The following RAP1GAP2 variants were observed in gnomAD, a reference collection of about 807,000 sequenced individuals.
RAP1GAP2 encodes rap1 GTPase-activating protein 2.
Under a neutral mutation model 95.0 loss-of-function variants are expected in RAP1GAP2, and 27 were observed. The observed-to-expected ratio is 0.28, with a 90% CI of 0.21 to 0.39. The LOEUF is 0.39. Among genes scored for constraint, RAP1GAP2 ranks in the 10% least tolerant of loss-of-function variants. RAP1GAP2 has a pLI of 1.00. For missense variants in RAP1GAP2, 771 were observed against 970.0 expected (o/e 0.79, Z 2.72); for synonymous variants, 373 against 380.9 (o/e 0.98, Z 0.24).
intron 1 of RAP1GAP2, among the ~76,000 whole-genome samples, chr17:2,787,432 T>G (rs533266942): frequency 6.6e-6 from 1 of 151,994 alleles, no homozygotes; most frequent in Non-Finnish European, 1.5e-5. Context: ...TTTAAAAAAA[T>G]TTTTGTACAG....
chr17:3,006,182 A>G, intron 16 of RAP1GAP2, 141 bp downstream of exon 16: 2 of 706,016 alleles, frequency 2.8e-6, no homozygotes. Flanking sequence ...GCTGGAGTGC[A>G]GTGGCATGAT....
intron 3 of RAP1GAP2, among the ~76,000 whole-genome samples, chr17:2,917,069 G>C (rs1451998202): frequency 3.9e-5 from 6 of 152,224 alleles, no homozygotes; most frequent in African/African-American, 1.2e-4. Flanking sequence ...CCTCTCTGTT[G>C]ATTCTCCAGC....
chr17:2,995,986 T>G (rs2045944426), intron 13 of RAP1GAP2, among the ~76,000 whole-genome samples: 1 of 152,124 alleles, frequency 6.6e-6, no homozygotes. Flanking sequence ...AGAGGGTGAT[T>G]GTGGGGATTA....
At chr17:2,832,037 C>T (rs538859916) in intron 2 of RAP1GAP2, among the ~76,000 whole-genome samples, 13 of 151,162 alleles carry the variant, frequency 8.6e-5, no homozygotes, top group African/African-American at 2.9e-4. Flanking sequence ...AACCCTGTCT[C>T]TACTAAAAAT....
intron 3 of RAP1GAP2, among the ~76,000 whole-genome samples, chr17:2,944,191 A>G (rs952467828): frequency 6.7e-6 from 1 of 149,796 alleles, no homozygotes; most frequent in African/African-American, 2.4e-5. Flanking sequence ...AAACCAAACC[A>G]CAAAAGATAA....
intron 3 of RAP1GAP2, among the ~76,000 whole-genome samples, chr17:2,922,838 T>G (rs975208488): frequency 2.9e-4 from 44 of 150,800 alleles, no homozygotes; most frequent in South Asian, 6.3e-4. Context: ...TTTTGTTTTT[T>G]TTTTTTTTTT....
At chr17:2,882,822 C>T (rs1190078794) in intron 2 of RAP1GAP2, among the ~76,000 whole-genome samples, 1 of 152,142 alleles carries the variant, frequency 6.6e-6, no homozygotes, top group East Asian at 1.9e-4. Flanking sequence ...CCATGGAGGC[C>T]ACGGGTGAGG....
intron 3 of RAP1GAP2, among the ~76,000 whole-genome samples, chr17:2,908,652 A>G (rs1174825305): frequency 1.3e-5 from 2 of 152,082 alleles, no homozygotes; most frequent in African/African-American, 4.8e-5. Context: ...ACATGGGACA[A>G]CCATTCTCTG....
chr17:2,859,699 G>A (rs889795709), intron 2 of RAP1GAP2, among the ~76,000 whole-genome samples: 10 of 152,172 alleles, frequency 6.6e-5, no homozygotes, highest in African/African-American at 2.4e-4. Context: ...GCCTTCCAAT[G>A]TGTTGGGATT....
chr17:2,944,565 A>G (rs2043636985), intron 3 of RAP1GAP2, among the ~76,000 whole-genome samples: 1 of 152,218 alleles, frequency 6.6e-6, no homozygotes, highest in African/African-American at 2.4e-5. Flanking sequence ...ATTGGGAAAT[A>G]TGAGTTCTCC....
intron 3 of RAP1GAP2, among the ~76,000 whole-genome samples, chr17:2,932,520 T>TATTTATTA (rs1214073537): frequency 6.6e-6 from 1 of 150,560 alleles, no homozygotes; most frequent in African/African-American, 2.5e-5. Context: ...CCATCCTTTT[T>TATTTATTA]ATTTATTATT....
At chr17:2,837,125 C>G (rs943950870) in intron 2 of RAP1GAP2, among the ~76,000 whole-genome samples, 2 of 151,912 alleles carry the variant, frequency 1.3e-5, no homozygotes, top group Non-Finnish European at 2.9e-5. Context: ...GTGGTGCACA[C>G]CTGTAGTCCT....
intron 3 of RAP1GAP2, among the ~76,000 whole-genome samples, chr17:2,949,792 G>A (rs1027041577): frequency 7.2e-5 from 11 of 152,226 alleles, no homozygotes; most frequent in Non-Finnish European, 1.6e-4. Context: ...CCTGAGTCAC[G>A]CTGCTTCTGG....
intron 8 of RAP1GAP2, among the ~76,000 whole-genome samples, chr17:2,968,465 CTT>C (rs1447009466): frequency 6.6e-6 from 1 of 152,086 alleles, no homozygotes; most frequent in Non-Finnish European, 1.5e-5. Context: ...TGATTGAAGA[CTT>C]AAATCTGAAA....
intron 20 of RAP1GAP2, 88 bp downstream of exon 20, chr17:3,026,209 A>C (rs139771008): frequency 0.011 from 13,911 of 1,318,398 alleles, 92 homozygotes; most frequent in Non-Finnish European, 0.013. Context: ...GAGAGTGGCC[A>C]TCTCCTGCCT....
At chr17:2,837,609 T>TA (rs1432633241) in intron 2 of RAP1GAP2, among the ~76,000 whole-genome samples, 1 of 9,948 alleles carries the variant, frequency 1.0e-4, no homozygotes, top group Non-Finnish European at 1.8e-4. Flanking sequence ...CCCTGCTTCT[T>TA]TTTTTTTTTT....
At chr17:2,912,426 G>A (rs748397745) in intron 3 of RAP1GAP2, among the ~76,000 whole-genome samples, 7 of 152,280 alleles carry the variant, frequency 4.6e-5, no homozygotes, top group South Asian at 4.1e-4. Flanking sequence ...CCCCTCATCA[G>A]GGTGGAGTGA....
chr17:2,803,301 G>C (rs1197872931), intron 2 of RAP1GAP2, among the ~76,000 whole-genome samples: 1 of 152,082 alleles, frequency 6.6e-6, no homozygotes, highest in Non-Finnish European at 1.5e-5. Context: ...GAGTTTTATT[G>C]GTTAAGATTC....
At chr17:2,771,775 C>G (rs56800562) in intron 2 of RAP1GAP2, among the ~76,000 whole-genome samples, 1 of 152,106 alleles carries the variant, frequency 6.6e-6, no homozygotes, top group African/African-American at 2.4e-5. Context: ...CAAGCGTGAG[C>G]CACTGTGCCC....
Sources: gnomAD v4.1 joint callset for allele counts (sites outside exome capture counted in the v4.1 genomes callset) on GRCh38, gnomAD v4.1.1 for gene constraint, MANE v1.5 for transcripts, NCBI Gene and HGNC (gene_info 2026-07-23, HGNC 2026-07-21) for gene names.